KDM4C: variants seen among roughly 807,000 people sequenced by gnomAD.
KDM4C encodes the protein lysine demethylase 4C.
In KDM4C, 81 loss-of-function variants were observed where a neutral mutation model predicts 129.3. The ratio of observed to expected loss-of-function variants is 0.63; its 90% CI spans 0.52 to 0.75. The LOEUF (loss-of-function observed/expected upper bound fraction) is 0.75, where lower values mean the gene tolerates loss of function less well. Among genes scored for constraint, KDM4C ranks in the 30% least tolerant of loss-of-function variants. The probability of loss-of-function intolerance (pLI) is 0.00; values close to 1 mark genes in which losing one functional copy is unlikely to be tolerated. For synonymous variants in KDM4C, 573 were observed against 456.1 expected, an observed-to-expected ratio of 1.26 and a Z score of -3.26; for missense variants, 1,457 against 1,304.0, an observed-to-expected ratio of 1.12 and a Z score of -1.81.
At chr9:6,787,582 TCTTA>T (rs1440815311) in intron 1 of KDM4C, among the ~76,000 whole-genome samples, 1 of 152,256 alleles carries the variant, frequency 6.6e-6, no homozygotes, top group African/African-American at 2.4e-5. Context: ...TTCGTATTTC[TCTTA>T]CTTCTGTCAA....
chr9:6,936,862 C>T (rs7861518), intron 8 of KDM4C, among the ~76,000 whole-genome samples: 100,128 of 151,986 alleles, frequency 0.66, 33,459 homozygotes, highest in African/African-American at 0.72. Flanking sequence ...AAGACCTCCC[C>T]TACAGAGCTA....
intron 19 of KDM4C, among the ~76,000 whole-genome samples, chr9:7,161,616 G>T (rs932154461): frequency 1.3e-5 from 2 of 152,196 alleles, no homozygotes; most frequent in African/African-American, 4.8e-5. Flanking sequence ...GAGCCATGGG[G>T]TTTAGTGTGA....
intron 17 of KDM4C, among the ~76,000 whole-genome samples, chr9:7,050,046 T>G (rs944489799): frequency 1.3e-5 from 2 of 152,094 alleles, no homozygotes; most frequent in African/African-American, 4.8e-5. Flanking sequence ...TGACTGTTGC[T>G]TGTTTTCCCA....
intron 1 of KDM4C, among the ~76,000 whole-genome samples, chr9:6,765,175 C>T (rs1227241117): frequency 6.6e-6 from 1 of 152,102 alleles, no homozygotes; most frequent in African/African-American, 2.4e-5. Context: ...AAATTCCTGC[C>T]ATATCTCTTT....
chr9:6,750,299 C>G (rs1264579219), intron 1 of KDM4C, among the ~76,000 whole-genome samples: 1 of 151,858 alleles, frequency 6.6e-6, no homozygotes, highest in Admixed American at 6.6e-5. Context: ...ATTATCTGGG[C>G]ATGGTGGCAC....
At chr9:6,835,696 G>A in intron 4 of KDM4C, 1 of 684,296 alleles carries the variant, frequency 1.5e-6, no homozygotes, top group Non-Finnish European at 2.7e-6. Context: ...TTTTGTTTTT[G>A]TTTTGGCTTG....
rs1407856 is a variant in KDM4C, at chr9:7,046,901, C to G, written c.2299C>G (p.Gln767Glu). 298,861 of 1,594,768 alleles carry G rather than the reference C, an allele frequency of 0.19. 32,250 individuals carry two copies. Among genetic ancestry groups the G allele is most frequent in the South Asian group, 0.38 (34,225 of 90,186 alleles). Residue 767 changes from glutamine to glutamate, a missense_variant, in exon 16 of 22, where the codon CAA becomes GAA. Coordinates refer to ENST00000381309, the MANE Select transcript of KDM4C (RefSeq NM_015061.6). ...CAATTTGAGAGGAGGTGCTCTTAAG[C>G]AAACGAAGAACAATAAGTAAGTAAT... ...LCNLRGGALK[Q>E]TKNNKWAHVM... is the part of the protein sequence containing the mutation.
At chr9:7,120,329 A>G (rs181664420) in intron 18 of KDM4C, among the ~76,000 whole-genome samples, 10 of 152,094 alleles carry the variant, frequency 6.6e-5, no homozygotes, top group Non-Finnish European at 1.3e-4. Flanking sequence ...AAATTTGGCT[A>G]TTTATTTCAA....
chr9:6,748,534 T>G (rs1199174077), intron 1 of KDM4C, among the ~76,000 whole-genome samples: 1 of 151,854 alleles, frequency 6.6e-6, no homozygotes, highest in African/African-American at 2.4e-5. Flanking sequence ...AGATTTATTA[T>G]TATTATTAGT....
intron 12 of KDM4C, among the ~76,000 whole-genome samples, chr9:6,998,097 C>G (rs1820092721): frequency 1.3e-5 from 2 of 152,172 alleles, no homozygotes; most frequent in Non-Finnish European, 2.9e-5. Flanking sequence ...ATCAGTTCAG[C>G]AAGTGCACTA....
chr9:6,916,206 T>C (rs7869241), intron 8 of KDM4C, among the ~76,000 whole-genome samples: 14,761 of 150,744 alleles, frequency 0.098, 1,844 homozygotes, highest in African/African-American at 0.29. Context: ...GGAGCTGGGC[T>C]ATGAAGTGTC....
chr9:6,841,310 G>C (rs755968883), intron 4 of KDM4C, among the ~76,000 whole-genome samples: 3 of 152,150 alleles, frequency 2.0e-5, no homozygotes, highest in African/African-American at 4.8e-5. Context: ...GCCACATGAG[G>C]ATAATATTGA....
intron 11 of KDM4C, among the ~76,000 whole-genome samples, chr9:6,989,831 G>C (rs1563942660): frequency 6.6e-6 from 1 of 152,138 alleles, no homozygotes; most frequent in African/African-American, 2.4e-5. Context: ...CTGTTGTGCA[G>C]TGGCTTGATC....
At chr9:6,819,483 C>T (rs773900716) in intron 4 of KDM4C, among the ~76,000 whole-genome samples, 1 of 152,190 alleles carries the variant, frequency 6.6e-6, no homozygotes, top group Non-Finnish European at 1.5e-5. Flanking sequence ...GTAGGACCTA[C>T]AAGGCAGTAT....
intron 12 of KDM4C, among the ~76,000 whole-genome samples, chr9:7,004,865 T>C (rs1476967302): frequency 6.6e-6 from 1 of 152,218 alleles, no homozygotes; most frequent in East Asian, 1.9e-4. Flanking sequence ...AGAAATTTTC[T>C]GGATGGCTGC....
chr9:6,867,238 T>A lies in KDM4C; in HGVS notation c.630-12774T>A, dbSNP rs141051980. 2.8e-3 allele frequency among the ~76,000 whole-genome samples: 424 copies of A among 152,094 alleles called. 8 individuals are homozygous for A. The highest frequency in any genetic ancestry group is 9.8e-3 in the African/African-American group (408 of 41,486). ...ACCATGTTGGCTAAGATGGTCTTGA[T>A]CTCCTGACCTCGTGATCCGCCCACC... On this transcript the variant is annotated intron_variant, in intron 5 of 21. Transcript: ENST00000381309.
chr9:6,824,999 A>G (rs1291090211), intron 4 of KDM4C, among the ~76,000 whole-genome samples: 1 of 152,138 alleles, frequency 6.6e-6, no homozygotes, highest in Non-Finnish European at 1.5e-5. Context: ...CAAAAAAATT[A>G]GCCGGGTGTG....
At chr9:6,728,732 G>C (rs1817226261) in intron 1 of KDM4C, among the ~76,000 whole-genome samples, 1 of 149,430 alleles carries the variant, frequency 6.7e-6, no homozygotes, top group African/African-American at 2.5e-5. Context: ...TATAATCCCA[G>C]CTACTCAGGA....
At chr9:6,842,862 C>T (rs546314789) in intron 4 of KDM4C, among the ~76,000 whole-genome samples, 32 of 152,206 alleles carry the variant, frequency 2.1e-4, no homozygotes, top group Non-Finnish European at 3.7e-4. Context: ...TCTTTGGGCA[C>T]CTGAGTTTGT....
Sources: allele counts gnomAD v4.1 joint callset (sites outside exome capture counted in the v4.1 genomes callset), GRCh38; gene constraint gnomAD v4.1.1; transcripts MANE v1.5; gene names NCBI Gene and HGNC (gene_info 2026-07-23, HGNC 2026-07-21).